Variants in TENM3 observed in about 807,000 individuals in gnomAD.
TENM3 encodes teneurin transmembrane protein 3.
In TENM3, 63 loss-of-function variants were observed where a neutral mutation model predicts 255.1. That is an observed-to-expected ratio of 0.25 (90% CI 0.20 to 0.30). The LOEUF (loss-of-function observed/expected upper bound fraction) is 0.30, where lower values mean the gene tolerates loss of function less well. Ranked by LOEUF, TENM3 falls within the 10% of genes least tolerant of loss-of-function variation. The probability of loss-of-function intolerance (pLI) is 1.00; values close to 1 mark genes in which losing one functional copy is unlikely to be tolerated. For synonymous variants in TENM3, 1,306 were observed against 1,322.3 expected, an observed-to-expected ratio of 0.99 and a Z score of 0.27; for missense variants, 2,929 against 3,461.1, an observed-to-expected ratio of 0.85 and a Z score of 3.86.
chr4:181,777,454 T>A, the TENM3 span, among the ~76,000 whole-genome samples: 3 of 152,098 alleles, frequency 2.0e-5, no homozygotes, highest in Non-Finnish European at 2.9e-5. Context: ...AAATGTCGTT[T>A]GTATTTGATG....
the TENM3 span, among the ~76,000 whole-genome samples, chr4:181,592,084 G>A: frequency 0.011 from 1,732 of 152,270 alleles, 17 homozygotes; most frequent in Non-Finnish European, 0.017. Context: ...AGGATAAGAG[G>A]AGGAATTACA....
At chr4:181,597,233 A>G in the TENM3 span, among the ~76,000 whole-genome samples, 1 of 152,194 alleles carries the variant, frequency 6.6e-6, no homozygotes, top group Non-Finnish European at 1.5e-5. Flanking sequence ...TTTCTTTAGG[A>G]AAAAATTAGA....
At chr4:182,144,750 G>A (rs1439563416) in exon 1 of TENM3, 1 of 147,844 alleles carries the variant, frequency 6.8e-6, no homozygotes, top group East Asian at 2.0e-4. Context: ...GGCGAGCCGA[G>A]CGCGGTAAGT....
At chr4:182,370,684 G>C (rs191335262) in intron 3 of TENM3, among the ~76,000 whole-genome samples, 1 of 152,220 alleles carries the variant, frequency 6.6e-6, no homozygotes, top group Admixed American at 6.5e-5. Context: ...ATTGTTATCT[G>C]TGTCTTTCTT....
rs11348241 is a variant in TENM3, at chr4:182,719,252, C to CTTTTTTTTTTTTTTTTTT, written c.2368+5029_2368+5046dup. Among the ~76,000 whole-genome samples, 4 of 80,870 alleles carry CTTTTTTTTTTTTTTTTTT rather than the reference C, an allele frequency of 4.9e-5. 1 individual carries two copies. Among genetic ancestry groups the CTTTTTTTTTTTTTTTTTT allele is most frequent in the African/African-American group, 2.1e-4 (4 of 18,944 alleles). 53.1% of individuals were successfully genotyped at this position (80,870 alleles called of 152,430 possible). ...AGTAAAATAGAGTTCTTTTTTTTTTCTTTTTTTTTTTTTTTTTTTTTTTTT... is the reference window on the plus strand; with the variant it reads ...AGTAAAATAGAGTTCTTTTTTTTTTCTTTTTTTTTTTTTTTTTTTTTTTTTTTTTTTTTTTTTTTTTTT... On this transcript the variant is annotated intron_variant, in intron 13 of 27. Transcript: ENST00000511685.
the TENM3 span, among the ~76,000 whole-genome samples, chr4:182,066,980 C>T: frequency 2.2e-4 from 34 of 152,302 alleles, no homozygotes; most frequent in South Asian, 5.6e-3. Context: ...TTCAGTGACA[C>T]TTTGATATCC....
chr4:182,598,335 T>G (rs1747482634), intron 3 of TENM3, among the ~76,000 whole-genome samples: 1 of 152,178 alleles, frequency 6.6e-6, no homozygotes, highest in Non-Finnish European at 1.5e-5. Context: ...GTGTTGTCAA[T>G]TCAAGAGGTT....
At chr4:182,075,494 A>G in the TENM3 span, among the ~76,000 whole-genome samples, 10 of 152,106 alleles carry the variant, frequency 6.6e-5, no homozygotes, top group Non-Finnish European at 1.3e-4. Flanking sequence ...CACCACGCTC[A>G]GCCGACAGTT....
chr4:182,071,745 T>C, the TENM3 span, among the ~76,000 whole-genome samples: 1 of 152,232 alleles, frequency 6.6e-6, no homozygotes. Context: ...TGTTCTCTCC[T>C]AGCTATTTTG....
rs150204507 is a variant in TENM3 at position 182,580,590 on chromosome 4, A to T, written c.512-20334A>T. ...GCTCCATTAGATCTGCCAGGTTATA[A>T]ATCTTCATATTTCTGACTTGCCTTG... On this transcript the variant is annotated intron_variant, in intron 3 of 27. Transcript: ENST00000511685. 2.3e-3 allele frequency among the ~76,000 whole-genome samples: 343 copies of T among 152,212 alleles called. 1 individual carries two copies. Among genetic ancestry groups the T allele is most frequent in the African/African-American group, 7.5e-3 (313 of 41,520 alleles).
At chr4:182,512,798 A>G (rs1737553625) in intron 3 of TENM3, among the ~76,000 whole-genome samples, 1 of 152,146 alleles carries the variant, frequency 6.6e-6, no homozygotes, top group South Asian at 2.1e-4. Flanking sequence ...ACATGAAACA[A>G]TCTAACCTCT....
At chr4:182,537,291 C>A (rs1159164574) in intron 3 of TENM3, among the ~76,000 whole-genome samples, 1 of 151,954 alleles carries the variant, frequency 6.6e-6, no homozygotes, top group East Asian at 1.9e-4. Flanking sequence ...GTCATTTCAT[C>A]ATGAACTACA....
chr4:182,598,498 C>A (rs146194220), intron 3 of TENM3, among the ~76,000 whole-genome samples: 2 of 149,776 alleles, frequency 1.3e-5, no homozygotes, highest in Non-Finnish European at 3.0e-5. Context: ...ATTTTTGAAA[C>A]CTTAATGGAA....
the TENM3 span, among the ~76,000 whole-genome samples, chr4:181,824,975 TG>T: frequency 6.6e-6 from 1 of 152,214 alleles, no homozygotes; most frequent in African/African-American, 2.4e-5. Flanking sequence ...TTGATAGTTG[TG>T]TGAAGTTATG....
At chr4:182,287,611 G>GTTTT (rs1554043843) in intron 1 of TENM3, among the ~76,000 whole-genome samples, 16 of 150,954 alleles carry the variant, frequency 1.1e-4, no homozygotes, top group Non-Finnish European at 1.9e-4. Context: ...TTCATTTATT[G>GTTTT]TTTATTTATT....
rs760723254 is a variant in TENM3 at position 182,754,755 on chromosome 4, A to G, written c.4388A>G (p.Asp1463Gly). 2.5e-6 allele frequency: 4 copies of G among 1,614,054 alleles called. No individual in the cohort carries two copies. Among genetic ancestry groups the G allele is most frequent in the Non-Finnish European group, 3.4e-6 (4 of 1,179,910 alleles). ...AACTGTGACTGTTACCAGAGTGGAG[A>G]TGGCTACGCCAAGGATGCCAAACTC... Reference protein sequence around the residue: ...DANCDCYQSGDGYAKDAKLSA... With the variant: ...DANCDCYQSGGGYAKDAKLSA... Residue 1463 changes from aspartate to glycine, a missense_variant, in exon 22 of 28, where the codon GAT becomes GGT. Asp to Gly is a moderately conservative substitution (Grantham distance 94). This residue lies in a region of TENM3 where 1,608 missense variants were observed against 1,884.4 expected (regional missense o/e 0.85). Transcript: ENST00000511685. The surrounding 1 kb of genome is among the most constrained non-coding windows in gnomAD (Gnocchi z 5.1).
intron 1 of TENM3, among the ~76,000 whole-genome samples, chr4:182,237,375 C>CTT (rs57257112): frequency 2.0e-5 from 3 of 148,132 alleles, no homozygotes; most frequent in African/African-American, 5.0e-5. Context: ...ATTCTGTTTT[C>CTT]TTTTTTTTGA....
intron 24 of TENM3, among the ~76,000 whole-genome samples, chr4:182,783,425 G>A (rs1476008194): frequency 7.9e-5 from 12 of 152,180 alleles, no homozygotes; most frequent in South Asian, 6.2e-4. Flanking sequence ...TGAGAGATCC[G>A]CTATTAGTCT....
At chr4:181,520,994 C>T in the TENM3 span, among the ~76,000 whole-genome samples, 1 of 152,200 alleles carries the variant, frequency 6.6e-6, no homozygotes, top group East Asian at 1.9e-4. Context: ...AGAGGGCATG[C>T]CACATGTGTT....
Sources: gnomAD v4.1 joint callset for allele counts (sites outside exome capture counted in the v4.1 genomes callset) on GRCh38, gnomAD v4.1.1 for gene constraint, gnomAD v4.1.1 regional missense constraint, Gnocchi (gnomAD v3.1) non-coding constraint, MANE v1.5 for transcripts, NCBI Gene and HGNC (gene_info 2026-07-23, HGNC 2026-07-21) for gene names.